Variants in JMJD1C observed in about 807,000 individuals in gnomAD.
JMJD1C encodes the protein jumonji domain containing 1C.
JMJD1C carries 31 observed loss-of-function variants against 245.3 expected under a neutral mutation model. The observed-to-expected ratio is 0.13, with a 90% CI of 0.09 to 0.17. JMJD1C has a LOEUF of 0.17. JMJD1C is among the 10% of genes least tolerant of loss of function. The pLI is 1.00. For synonymous variants in JMJD1C, 1,057 were observed against 1,017.4 expected (o/e 1.04, Z -0.74); for missense variants, 2,691 against 3,000.2 (o/e 0.90, Z 2.41).
At chr10:63,319,471 AC>A (rs1940576464) in intron 2 of JMJD1C, among the ~76,000 whole-genome samples, 1 of 150,644 alleles carries the variant, frequency 6.6e-6, no homozygotes, top group South Asian at 2.1e-4. Flanking sequence ...TTGACTCTGA[AC>A]TCCTTTTAAT....
chr10:63,439,222 T>C (rs973022679), intron 1 of JMJD1C, among the ~76,000 whole-genome samples: 5 of 152,210 alleles, frequency 3.3e-5, no homozygotes, highest in Non-Finnish European at 4.4e-5. Flanking sequence ...AATTCTATCA[T>C]TTTATAAAGC....
chr10:63,252,713 TC>T (rs966368293), intron 3 of JMJD1C, among the ~76,000 whole-genome samples: 1 of 152,196 alleles, frequency 6.6e-6, no homozygotes, highest in African/African-American at 2.4e-5. Context: ...AGAACCCTAG[TC>T]TTCTGAGAAG....
intron 1 of JMJD1C, among the ~76,000 whole-genome samples, chr10:63,424,085 G>A (rs1950288628): frequency 6.6e-6 from 1 of 152,060 alleles, no homozygotes; most frequent in South Asian, 2.1e-4. Flanking sequence ...TTAAAAAATG[G>A]ATTTTTAGAG....
intron 2 of JMJD1C, among the ~76,000 whole-genome samples, chr10:63,354,192 A>G (rs1944605931): frequency 6.6e-6 from 1 of 152,192 alleles, no homozygotes; most frequent in Non-Finnish European, 1.5e-5. Flanking sequence ...GTTAAGTACA[A>G]TATAAATAGT....
At chr10:63,471,843 G>C (rs1953500633) in intron 1 of JMJD1C, among the ~76,000 whole-genome samples, 1 of 152,132 alleles carries the variant, frequency 6.6e-6, no homozygotes, top group Admixed American at 6.5e-5. Flanking sequence ...TTTGAGATCA[G>C]CCTGACCAAT....
At chr10:63,506,756 C>T (rs529087520) in intron 1 of JMJD1C, among the ~76,000 whole-genome samples, 47 of 152,150 alleles carry the variant, frequency 3.1e-4, no homozygotes, top group Non-Finnish European at 6.3e-4. Context: ...CATCAATGAA[C>T]CTACAGTGAC....
At chr10:63,433,581 CTTTT>C (rs1345751101) in intron 1 of JMJD1C, among the ~76,000 whole-genome samples, 3 of 140,192 alleles carry the variant, frequency 2.1e-5, no homozygotes, top group Non-Finnish European at 4.7e-5. Context: ...CTTTTCTTTT[CTTTT>C]CTTTTTTTTT....
intron 2 of JMJD1C, among the ~76,000 whole-genome samples, chr10:63,291,076 G>A (rs1375468514): frequency 6.6e-6 from 1 of 152,028 alleles, no homozygotes; most frequent in Non-Finnish European, 1.5e-5. Context: ...AGAGGCCGAG[G>A]TGGGCGGATC....
At chr10:63,402,840 T>C (rs1400375182) in intron 1 of JMJD1C, among the ~76,000 whole-genome samples, 6 of 152,198 alleles carry the variant, frequency 3.9e-5, no homozygotes, top group African/African-American at 7.2e-5. Context: ...TTTTAAAATT[T>C]AGCATTCCAG....
intron 1 of JMJD1C, among the ~76,000 whole-genome samples, chr10:63,431,238 A>C (rs1950727013): frequency 6.6e-6 from 1 of 152,224 alleles, no homozygotes; most frequent in South Asian, 2.1e-4. Flanking sequence ...TCTGCTTTCA[A>C]AACATTTGGA....
At chr10:63,280,327 A>T (rs1857246877) in intron 2 of JMJD1C, among the ~76,000 whole-genome samples, 1 of 151,976 alleles carries the variant, frequency 6.6e-6, no homozygotes, top group African/African-American at 2.4e-5. Flanking sequence ...CGGTGGACGG[A>T]TCACAAGGTC....
chr10:63,250,611 T>C (rs994910604), intron 3 of JMJD1C, among the ~76,000 whole-genome samples: 1 of 152,228 alleles, frequency 6.6e-6, no homozygotes, highest in African/African-American at 2.4e-5. Context: ...ACACTAGGTT[T>C]TGTTAAACAC....
chr10:63,268,834 T>C (rs1033974710), intron 2 of JMJD1C: 2 of 985,762 alleles, frequency 2.0e-6, no homozygotes, highest in Admixed American at 1.2e-4. Context: ...CAAGCATTTC[T>C]GAGCTCACTT....
chr10:63,214,698 G>T lies in JMJD1C; in HGVS notation c.1469C>A (p.Thr490Asn), dbSNP rs61758116. 37 of 1,613,688 alleles carry T rather than the reference G, an allele frequency of 2.3e-5. No individual in the cohort carries two copies. Among genetic ancestry groups the T allele is most frequent in the Non-Finnish European group, 3.1e-5 (36 of 1,179,786 alleles). ...PQECNMDKTH[T>N]MELLPKEKFV... Reference sequence around the variant, plus strand: ...CTTCTCCTTTGGTAGCAATTCCATGGTATGTGTTTTATCCATATTGCATTC... The same window carrying T: ...CTTCTCCTTTGGTAGCAATTCCATGTTATGTGTTTTATCCATATTGCATTC... Residue 490 changes from threonine (T) to asparagine (N), a missense_variant, in exon 8 of 26, where the codon ACC (threonine) becomes AAC (asparagine). Physicochemically the swap from Thr to Asn is moderately conservative, Grantham distance 65. Around this residue, in one of 9 missense-constraint regions of JMJD1C, gnomAD observed 1,562 missense variants for 1,490.7 expected, o/e 1.05. Transcript: ENST00000399262.
Position 63,176,409 on chromosome 10 carries a change from T to A in JMJD1C, c.7289A>T (p.Tyr2430Phe). ...EHDPIRDQSW[Y>F]VNKKLRQRLL... Reference sequence around the variant, plus strand: ...CCTTTGACGGAGCTTTTTGTTCACATACCAACTTTGGTCACGTATTGGATC... The same window carrying A: ...CCTTTGACGGAGCTTTTTGTTCACAAACCAACTTTGGTCACGTATTGGATC... Residue 2430 changes from tyrosine (Y) to phenylalanine (F), a missense_variant, in exon 24 of 26, where the codon TAT becomes TTT. Transcript: ENST00000399262. 6.2e-7 allele frequency: 1 copy of A among 1,614,078 alleles called. No homozygotes were observed. The highest frequency in any genetic ancestry group is 8.5e-7 in the Non-Finnish European group (1 of 1,179,936).
intron 3 of JMJD1C, among the ~76,000 whole-genome samples, chr10:63,264,340 T>C (rs1855259594): frequency 6.6e-6 from 1 of 152,152 alleles, no homozygotes; most frequent in Non-Finnish European, 1.5e-5. Flanking sequence ...TTGAAGACAA[T>C]TTATACTAAT....
At chr10:63,182,059 C>A (rs1279143471) in intron 22 of JMJD1C, among the ~76,000 whole-genome samples, 1 of 152,088 alleles carries the variant, frequency 6.6e-6, no homozygotes, top group African/African-American at 2.4e-5. Flanking sequence ...ATAAAATTGT[C>A]AAATGTACAC....
intron 3 of JMJD1C, among the ~76,000 whole-genome samples, chr10:63,237,516 A>T (rs1250498887): frequency 6.6e-6 from 1 of 152,188 alleles, no homozygotes; most frequent in Admixed American, 6.5e-5. Flanking sequence ...AACGAATACA[A>T]TCCAGTACAA....
At chr10:63,366,512 C>G (rs1564838935) in intron 2 of JMJD1C, among the ~76,000 whole-genome samples, 1 of 152,168 alleles carries the variant, frequency 6.6e-6, no homozygotes, top group Non-Finnish European at 1.5e-5. Context: ...TTTGGAATCC[C>G]TCAAGCTTGC....
Sources: allele counts gnomAD v4.1 joint callset (sites outside exome capture counted in the v4.1 genomes callset), GRCh38; gene constraint gnomAD v4.1.1; regional missense constraint gnomAD v4.1.1; transcripts MANE v1.5; gene names NCBI Gene and HGNC (gene_info 2026-07-23, HGNC 2026-07-21).